Variants in WDHD1 observed in about 807,000 individuals in gnomAD.
WDHD1 encodes WD repeat and HMG-box DNA-binding protein 1.
In WDHD1, 111 loss-of-function variants were observed where a neutral mutation model predicts 135.4. The observed-to-expected ratio is 0.82, with a 90% CI of 0.70 to 0.96. WDHD1 has a LOEUF of 0.96. Among genes scored for constraint, WDHD1 ranks in the 40% least tolerant of loss-of-function variants. The probability of loss-of-function intolerance (pLI) is 0.00; values close to 1 mark genes in which losing one functional copy is unlikely to be tolerated. For synonymous variants in WDHD1, 434 were observed against 439.0 expected, an observed-to-expected ratio of 0.99 and a Z score of 0.14; for missense variants, 1,351 against 1,336.3, an observed-to-expected ratio of 1.01 and a Z score of -0.17.
intron 7 of WDHD1, chr14:55,004,970 C>T: frequency 1.8e-6 from 1 of 541,440 alleles, no homozygotes; most frequent in Non-Finnish European, 3.6e-6. Flanking sequence ...AGTCTGCAAC[C>T]TCAGGTTGAG....
chr14:54,998,487 T>C (rs1385554579), intron 10 of WDHD1, among the ~76,000 whole-genome samples: 1 of 152,120 alleles, frequency 6.6e-6, no homozygotes, highest in Non-Finnish European at 1.5e-5. Flanking sequence ...TGCATATATA[T>C]TAGTTAGGCA....
intron 16 of WDHD1, among the ~76,000 whole-genome samples, chr14:54,972,592 G>GAAAAAAAAAAAAAA (rs2041458422): frequency 3.0e-5 from 1 of 32,988 alleles, no homozygotes; most frequent in Admixed American, 3.1e-4. Context: ...AAAAAAAAAT[G>GAAAAAAAAAAAAAA]CCAATGAGGC....
At chr14:54,969,451 G>C (rs1354493955) in intron 16 of WDHD1, among the ~76,000 whole-genome samples, 1 of 151,524 alleles carries the variant, frequency 6.6e-6, no homozygotes, top group Non-Finnish European at 1.5e-5. Flanking sequence ...CTTCTGCACA[G>C]CAAAGAAAAT....
intron 16 of WDHD1, among the ~76,000 whole-genome samples, chr14:54,978,032 A>G (rs988223333): frequency 6.6e-6 from 1 of 152,224 alleles, no homozygotes; most frequent in African/African-American, 2.4e-5. Context: ...AAAATTGTTC[A>G]TTGCAGATGA....
intron 2 of WDHD1, among the ~76,000 whole-genome samples, chr14:55,023,027 C>G (rs1344000458): frequency 2.6e-5 from 4 of 151,848 alleles, no homozygotes; most frequent in Admixed American, 2.6e-4. Flanking sequence ...GGTTTCAACA[C>G]GTTGGGCATG....
chr14:54,965,338 A>G (rs1182664055), intron 18 of WDHD1, among the ~76,000 whole-genome samples: 1 of 152,208 alleles, frequency 6.6e-6, no homozygotes. Flanking sequence ...CCCTGCTCCA[A>G]AGATAAATGT....
intron 13 of WDHD1, among the ~76,000 whole-genome samples, chr14:54,987,654 C>T (rs2041715932): frequency 6.6e-6 from 1 of 151,896 alleles, no homozygotes; most frequent in South Asian, 2.1e-4. Context: ...GAGTTTTGCT[C>T]TGTCACCCAG....
chr14:55,016,693 CTTT>C (rs2042267275), intron 2 of WDHD1, among the ~76,000 whole-genome samples: 1 of 152,212 alleles, frequency 6.6e-6, no homozygotes. Context: ...GACAAACTGA[CTTT>C]TTAACGAAGT....
At chr14:54,968,107 G>A (rs1290632448) in intron 16 of WDHD1, among the ~76,000 whole-genome samples, 1 of 152,168 alleles carries the variant, frequency 6.6e-6, no homozygotes, top group Non-Finnish European at 1.5e-5. Context: ...TCAACCACAT[G>A]CTTGGCCGTA....
chr14:55,020,904 G>A (rs2042335000), intron 2 of WDHD1, among the ~76,000 whole-genome samples: 1 of 152,074 alleles, frequency 6.6e-6, no homozygotes, highest in Non-Finnish European at 1.5e-5. Context: ...ATCATAAAGA[G>A]GAGAAAAAAT....
At chr14:55,004,773 C>A in intron 7 of WDHD1, 1 of 398,186 alleles carries the variant, frequency 2.5e-6, no homozygotes, top group South Asian at 1.9e-5. Flanking sequence ...TTTTCATCAA[C>A]CTTATTTCCA....
At chr14:54,992,459 T>C (rs200202401) in intron 11 of WDHD1, among the ~76,000 whole-genome samples, 2 of 152,122 alleles carry the variant, frequency 1.3e-5, no homozygotes, top group East Asian at 3.8e-4. Context: ...CACTGCACTC[T>C]AGGCTGGGTG....
intron 20 of WDHD1, 86 bp from the exon 21 acceptor site, chr14:54,962,637 GA>G: frequency 6.5e-7 from 1 of 1,531,816 alleles, no homozygotes; most frequent in Non-Finnish European, 9.0e-7. Flanking sequence ...AAAGAGGTCT[GA>G]AAAAAAGTAT....
chr14:55,008,253 C>G, intron 6 of WDHD1, 63 bp downstream of exon 6: 1 of 1,485,386 alleles, frequency 6.7e-7, no homozygotes, highest in Admixed American at 1.8e-5. Flanking sequence ...CCCAGTAATA[C>G]GACATATAAC....
At chr14:55,004,562 T>C (rs1322161205) in intron 7 of WDHD1, among the ~76,000 whole-genome samples, 2 of 152,066 alleles carry the variant, frequency 1.3e-5, no homozygotes, top group African/African-American at 4.8e-5. Flanking sequence ...AAGCAATTCT[T>C]ATGCCTGAGA....
In WDHD1 at chr14:55,000,628, C is replaced by T. The variant is rs768512851; in HGVS notation, c.817G>A (p.Gly273Ser). 1.3e-6 allele frequency: 2 copies of T among 1,573,542 alleles called. No homozygotes were observed. Among genetic ancestry groups the T allele is most frequent in the Non-Finnish European group, 1.7e-6 (2 of 1,159,914 alleles). Residue 273 changes from glycine to serine, a missense_variant, in exon 10 of 26, where the codon GGT becomes AGT. By Grantham distance (56) the Gly-to-Ser change is moderately conservative (BLOSUM62 0). Around this residue, in one of 2 missense-constraint regions of WDHD1, gnomAD observed 1,330 missense variants for 1,296.1 expected, o/e 1.03. Coordinates refer to ENST00000360586, the MANE Select transcript of WDHD1 (RefSeq NM_007086.4). ...CATGCCAGACCACAAATTGCATAAC[C>T]TTTCTCATGTTTCACCCTAAAAATT... ...DCMERVKHEK[G>S]YAICGLAWHP...
chr14:54,941,707 G>T lies in WDHD1; in HGVS notation c.3190-17C>A, dbSNP rs368472242. 59 of 1,582,856 alleles carry T rather than the reference G, an allele frequency of 3.7e-5. 2 individuals carry two copies. Among genetic ancestry groups the T allele is most frequent in the East Asian group, 2.0e-4 (9 of 44,594 alleles). ...AGCCCACACCTTTGTAAAATGGCAGGAGTGAAAAGGAAAGATTTTTAGAAA... is the reference window on the plus strand; with the variant it reads ...AGCCCACACCTTTGTAAAATGGCAGTAGTGAAAAGGAAAGATTTTTAGAAA... On this transcript the variant is annotated splice_polypyrimidine_tract_variant and intron_variant, in intron 25 of 25. Transcript: ENST00000360586.
intron 7 of WDHD1, 39 bp downstream of exon 7, chr14:55,007,231 TAAAAAAAAAA>T (rs369698327): frequency 9.5e-7 from 1 of 1,053,084 alleles, no homozygotes; most frequent in Non-Finnish European, 1.3e-6. Context: ...CCATCTCTAA[TAAAAAAAAAA>T]AAAAAAAAGA....
At position 54,963,003 on chromosome 14, in the gene WDHD1, T is replaced by C. The variant is rs1365479479; in HGVS notation, c.2480A>G (p.Gln827Arg). ...VEKAAELTATQVEEEEEEEDF... is the reference protein window; with the variant it reads ...VEKAAELTATRVEEEEEEEDF... ...TTCTTCTTCTTCTTCCTCTTCCACC[T>C]GGGTTGCTGTCAATTCGGCTGCCTT... Residue 827 changes from glutamine to arginine, a missense_variant, in exon 19 of 26, where the codon CAG becomes CGG. By Grantham distance (43) the Gln-to-Arg change is conservative (BLOSUM62 1). This residue lies in a region of WDHD1 where 1,330 missense variants were observed against 1,296.1 expected (regional missense o/e 1.03). Transcript: ENST00000360586. 2 of 1,613,796 alleles carry C rather than the reference T, an allele frequency of 1.2e-6. No individual in the cohort carries two copies. Among genetic ancestry groups the C allele is most frequent in the African/African-American group, 2.7e-5 (2 of 74,910 alleles).
Sources: gnomAD v4.1 joint callset for allele counts (sites outside exome capture counted in the v4.1 genomes callset) on GRCh38, gnomAD v4.1.1 for gene constraint, gnomAD v4.1.1 regional missense constraint, MANE v1.5 for transcripts, NCBI Gene and HGNC (gene_info 2026-07-23, HGNC 2026-07-21) for gene names.